The following NKD1 variants were observed in gnomAD, a reference collection of about 807,000 sequenced individuals.
NKD1 encodes NKD inhibitor of Wnt signaling pathway 1, also known as protein naked cuticle homolog 1.
A neutral mutation model predicts 56.0 loss-of-function variants in NKD1; 21 were observed. The ratio of observed to expected loss-of-function variants is 0.38; its 90% confidence interval spans 0.27 to 0.54. The LOEUF (loss-of-function observed/expected upper bound fraction) is 0.54. Ranked by LOEUF, NKD1 falls within the 20% of genes least tolerant of loss-of-function variation. The pLI, the probability that NKD1 is intolerant of heterozygous loss-of-function variation, is 0.82. For missense variants in NKD1, 578 were observed against 642.7 expected, an observed-to-expected ratio of 0.90 and a Z score of 1.09; for synonymous variants, 263 against 265.7, an observed-to-expected ratio of 0.99 and a Z score of 0.10.
chr16:50,608,335 A>G lies in NKD1; in HGVS notation c.234A>G (p.Glu78=). ...GDVLRDTLSE[E]EEDDFRLEVA... The stretch of plus-strand genomic sequence containing the variant: ...TGTTGAGAGACACGCTCAGCGAGGA[A>G]GAGGAGGACGACTTTCGGCTGGAAG... The change falls in exon 4 of 10, where the codon GAA becomes GAG. Residue 78 remains glutamate, a synonymous_variant. Transcript: ENST00000268459. 1 of 1,613,392 alleles carries G rather than the reference A, an allele frequency of 6.2e-7. No individual in the cohort carries two copies. Among genetic ancestry groups the G allele is most frequent in the African/African-American group, 1.3e-5 (1 of 75,030 alleles).
chr16:50,633,114 G>A lies in NKD1; in HGVS notation c.824-78G>A, dbSNP rs556167954. 19 of 1,328,122 alleles carry A rather than the reference G, an allele frequency of 1.4e-5. No individual in the cohort carries two copies. Among genetic ancestry groups the A allele is most frequent in the South Asian group, 6.2e-5 (4 of 64,510 alleles). 82.3% of individuals were successfully genotyped at this position (1,328,122 alleles called of 1,614,324 possible). Reference sequence around the variant, plus strand: ...GCTCTGGTTTTGGAGAACTGGGGGCGGGGGTGATGTCTGGGGTATAGCGCA... The same window carrying A: ...GCTCTGGTTTTGGAGAACTGGGGGCAGGGGTGATGTCTGGGGTATAGCGCA... On this transcript the variant is annotated intron_variant, in intron 9 of 9. Coordinates refer to ENST00000268459, the MANE Select transcript of NKD1 (RefSeq NM_033119.5). The surrounding 1 kb of genome is among the most constrained non-coding windows in gnomAD (Gnocchi z 4.9).
rs1962701025 is a variant in NKD1 at position 50,647,345 on chromosome 16, G to A, written c.*13564G>A. The stretch of plus-strand genomic sequence containing the variant: ...AGTGGCCATCTTGCTACAGCCTGAG[G>A]ACCACAGAGCACACACAGAGAGTGC... On this transcript the variant is annotated 3_prime_UTR_variant, in exon 10 of 10. Coordinates refer to ENST00000268459, the MANE Select transcript of NKD1 (RefSeq NM_033119.5). 1 of 152,360 alleles carries A rather than the reference G, an allele frequency of 6.6e-6. No individual in the cohort carries two copies. Among genetic ancestry groups the A allele is most frequent in the East Asian group, 1.9e-4 (1 of 5,184 alleles). 9.4% of individuals were successfully genotyped at this position (152,360 alleles called of 1,614,324 possible).
intron 3 of NKD1, chr16:50,556,742 T>TC: frequency 6.6e-6 from 1 of 151,414 alleles, no homozygotes; most frequent in Admixed American, 6.5e-5. Flanking sequence ...TTTTTTTTTT[T>TC]TTTTTTTTAA....
Position 50,548,496 on chromosome 16 carries a change from C to T in NKD1, c.-58C>T, listed in dbSNP as rs1162160485. 10 of 1,384,486 alleles carry T rather than the reference C, an allele frequency of 7.2e-6. No homozygotes were observed. Among genetic ancestry groups the T allele is most frequent in the African/African-American group, 3.1e-5 (2 of 65,236 alleles). 85.8% of individuals were successfully genotyped at this position (1,384,486 alleles called of 1,614,324 possible). ...GGGAGGAGGAGAGCCAAGGGAGGCG[C>T]CAGGCCCGCGGGCCGGGCGCATGGC... On this transcript the variant is annotated 5_prime_UTR_variant, in exon 1 of 10. Transcript: ENST00000268459.
intron 5 of NKD1, among the ~76,000 whole-genome samples, chr16:50,622,778 A>G (rs1366216562): frequency 6.6e-6 from 1 of 151,948 alleles, no homozygotes; most frequent in Admixed American, 6.6e-5. Flanking sequence ...TTGCCAGGGT[A>G]CCCAGCTTAG....
chr16:50,576,869 C>T lies in NKD1; in HGVS notation c.192+27314C>T, dbSNP rs74017728. Reference sequence around the variant, plus strand: ...ACTGGGAAGGTATTCCTACCATCCCCGTCAACAGGTGAGGGCATGAAGTCA... The same window carrying T: ...ACTGGGAAGGTATTCCTACCATCCCTGTCAACAGGTGAGGGCATGAAGTCA... On this transcript the variant is annotated intron_variant, in intron 3 of 9. Transcript: ENST00000268459. Among the ~76,000 whole-genome samples the T allele has an allele frequency of 5.9e-3, 902 of 152,090 alleles. 6 individuals are homozygous for T. The highest frequency in any genetic ancestry group is 0.02 in the African/African-American group (847 of 41,482).
rs1962718321 is a variant in NKD1 at position 50,648,339 on chromosome 16, C to T, written c.*14558C>T. On this transcript the variant is annotated 3_prime_UTR_variant, in exon 10 of 10. Transcript: ENST00000268459. ...GCCTGGATTTGCACTCTTGGTCCAA[C>T]ACCCTCAACTCCAACACCTCTGTCT... 1 of 152,864 alleles carries T rather than the reference C, an allele frequency of 6.5e-6. No individual in the cohort carries two copies. Among genetic ancestry groups the T allele is most frequent in the African/African-American group, 2.4e-5 (1 of 41,424 alleles). The allele number at this position is 152,864 out of a possible 1,614,324, so 9.5% of individuals were successfully genotyped here. A position where few individuals can be genotyped will look rare whatever the true frequency, so the allele number is the denominator to read the frequency against.
rs1555489621 is a variant in NKD1 at position 50,598,260 on chromosome 16, T to TGTGTGC, written c.193-10031_193-10030insTGCGTG. On this transcript the variant is annotated intron_variant, in intron 3 of 9. Transcript: ENST00000268459. This position sits in a 1 kb window ranked among gnomAD's most constrained non-coding sequence, Gnocchi z 4.2. Reference sequence around the variant, plus strand: ...GTGTGTGTGTGTGTGTGTGTGTGTGTGTGCGCGCACACCTGTGCTCATGGA... The same window carrying TGTGTGC: ...GTGTGTGTGTGTGTGTGTGTGTGTGTGTGTGCGTGCGCGCACACCTGTGCTCATGGA... Among the ~76,000 whole-genome samples the TGTGTGC allele has an allele frequency of 1.4e-5, 2 of 137,998 alleles. No homozygotes were observed. Among genetic ancestry groups the TGTGTGC allele is most frequent in the African/African-American group, 6.1e-5 (2 of 32,978 alleles). The allele number at this position is 137,998 out of a possible 152,430, so 90.5% of individuals were successfully genotyped here.
chr16:50,592,507 G>A (rs945296077), intron 3 of NKD1, among the ~76,000 whole-genome samples: 8 of 152,198 alleles, frequency 5.3e-5, no homozygotes, highest in South Asian at 2.1e-4. Context: ...TTTATGTGTC[G>A]TTTTCCAGGC....
At chr16:50,548,825 C>T (rs1960300366) in intron 2 of NKD1, 76 bp downstream of exon 2, 1 of 1,323,174 alleles carries the variant, frequency 7.6e-7, no homozygotes, top group Non-Finnish European at 9.6e-7. Flanking sequence ...GCCCAGCCCG[C>T]CAGGTCTTAT....
intron 3 of NKD1, chr16:50,574,607 G>A: frequency 1.0e-6 from 1 of 985,398 alleles, no homozygotes; most frequent in Non-Finnish European, 1.2e-6. Flanking sequence ...TCGCAGGCCT[G>A]GCCTCCAGCG....
intron 3 of NKD1, among the ~76,000 whole-genome samples, chr16:50,579,517 C>G (rs1300319912): frequency 8.0e-6 from 1 of 125,714 alleles, no homozygotes; most frequent in Non-Finnish European, 1.6e-5. Context: ...CACGCATGCA[C>G]TGTCTTACTC....
chr16:50,608,327 A>T lies in NKD1; in HGVS notation c.226A>T (p.Ser76Cys). The T allele has an allele frequency of 6.2e-7, 1 of 1,613,620 alleles. No homozygotes were observed. The highest frequency in any genetic ancestry group is 8.5e-7 in the Non-Finnish European group (1 of 1,179,790). The change falls in exon 4 of 10, where the codon AGC (serine) becomes TGC (cysteine). Residue 76 changes from serine (S) to cysteine (C), a missense_variant. By Grantham distance (112) the Ser-to-Cys change is moderately radical (BLOSUM62 -1). Transcript: ENST00000268459. Reference protein sequence around the residue: ...LVGDVLRDTLSEEEEDDFRLE... With the variant: ...LVGDVLRDTLCEEEEDDFRLE... Reference sequence around the variant, plus strand: ...GGGCGACGTGTTGAGAGACACGCTCAGCGAGGAAGAGGAGGACGACTTTCG... The same window carrying T: ...GGGCGACGTGTTGAGAGACACGCTCTGCGAGGAAGAGGAGGACGACTTTCG...
intron 3 of NKD1, among the ~76,000 whole-genome samples, chr16:50,578,221 C>T (rs984432616): frequency 1.3e-5 from 2 of 152,162 alleles, no homozygotes; most frequent in Admixed American, 6.5e-5. Context: ...CTTCCCACTG[C>T]TTAAGATCCC....
At chr16:50,626,884 G>T (rs1423430221) in intron 6 of NKD1, among the ~76,000 whole-genome samples, 3 of 152,170 alleles carry the variant, frequency 2.0e-5, no homozygotes, top group African/African-American at 2.4e-5. Context: ...GCATGTGGGG[G>T]CCTCATGTTC....
At chr16:50,611,305 C>T (rs574866440) in intron 4 of NKD1, among the ~76,000 whole-genome samples, 1 of 152,048 alleles carries the variant, frequency 6.6e-6, no homozygotes, top group East Asian at 1.9e-4. Flanking sequence ...GTTGTCTCTC[C>T]GCATCCTCAA....
intron 4 of NKD1, chr16:50,616,038 C>A (rs1243136194): frequency 2.2e-6 from 1 of 455,314 alleles, no homozygotes; most frequent in East Asian, 7.0e-5. Flanking sequence ...CATCTGCATT[C>A]CCTCGAACAG....
At chr16:50,571,933 C>T (rs577443492) in intron 3 of NKD1, among the ~76,000 whole-genome samples, 6 of 152,290 alleles carry the variant, frequency 3.9e-5, no homozygotes, top group Admixed American at 2.0e-4. Flanking sequence ...TTCTCATCCC[C>T]GGCCGCCCTT....
intron 3 of NKD1, among the ~76,000 whole-genome samples, chr16:50,561,627 A>G (rs560869480): frequency 6.6e-6 from 1 of 152,192 alleles, no homozygotes; most frequent in African/African-American, 2.4e-5. Context: ...GCTTCCTCAC[A>G]GTATGGCAGT....
Sources: gnomAD v4.1 joint callset for allele counts (sites outside exome capture counted in the v4.1 genomes callset) on GRCh38, gnomAD v4.1.1 for gene constraint, Gnocchi (gnomAD v3.1) non-coding constraint, MANE v1.5 for transcripts, NCBI Gene and HGNC (gene_info 2026-07-23, HGNC 2026-07-21) for gene names.